Variants in TACC2 observed in about 807,000 individuals in gnomAD.
TACC2 encodes transforming acidic coiled-coil-containing protein 2.
Under a neutral mutation model 227.3 loss-of-function variants are expected in TACC2, and 137 were observed. The ratio of observed to expected loss-of-function variants is 0.60; its 90% confidence interval spans 0.52 to 0.69. The LOEUF (loss-of-function observed/expected upper bound fraction) is 0.69. TACC2 is among the 30% of genes least tolerant of loss of function. The probability of loss-of-function intolerance (pLI) is 0.00; values close to 1 mark genes in which losing one functional copy is unlikely to be tolerated. For synonymous variants in TACC2, 1,523 were observed against 1,487.5 expected (o/e 1.02, Z -0.55); for missense variants, 3,470 against 3,694.4 (o/e 0.94, Z 1.57).
chr10:122,098,156 G>A (rs975353097), intron 5 of TACC2, among the ~76,000 whole-genome samples: 4 of 152,144 alleles, frequency 2.6e-5, no homozygotes, highest in Non-Finnish European at 4.4e-5. Flanking sequence ...CTGTCTGCTC[G>A]CTATGTACCC....
intron 6 of TACC2, among the ~76,000 whole-genome samples, chr10:122,143,059 G>A (rs2090866333): frequency 6.6e-6 from 1 of 152,194 alleles, no homozygotes; most frequent in Admixed American, 6.5e-5. Flanking sequence ...TCCTCCCCCA[G>A]GACACGGGTG....
chr10:122,157,090 TG>T (rs1183889080), intron 7 of TACC2, among the ~76,000 whole-genome samples: 3 of 152,090 alleles, frequency 2.0e-5, no homozygotes, highest in Non-Finnish European at 4.4e-5. Flanking sequence ...CCAGCCTGGG[TG>T]ACAGAGTGAG....
chr10:122,109,015 G>C (rs757489087), intron 5 of TACC2, among the ~76,000 whole-genome samples: 66 of 152,362 alleles, frequency 4.3e-4, no homozygotes, highest in Non-Finnish European at 4.0e-4. Context: ...TTACAGGCAT[G>C]AGCCATGGCG....
intron 3 of TACC2, among the ~76,000 whole-genome samples, chr10:122,063,794 A>G (rs981924240): frequency 1.3e-5 from 2 of 150,490 alleles, no homozygotes; most frequent in African/African-American, 4.9e-5. Context: ...TTATAAAAAC[A>G]TATTCAAATT....
At position 122,085,986 on chromosome 10, in the gene TACC2, T is replaced by A. The variant is rs770572757; in HGVS notation, c.3486T>A (p.Thr1162=). ...EATLSCGLLQ[T]EHCLTSGEEA... ...CTTTGAGTTGTGGCCTCCTTCAGAC[T>A]GAGCACTGCCTTACCTCCGGGGAGG... Residue 1162 remains threonine (T), a synonymous_variant, in exon 4 of 23, where the codon ACT becomes ACA. Transcript: ENST00000369005. 4.3e-6 allele frequency: 7 copies of A among 1,614,022 alleles called. No homozygotes were observed. The highest frequency in any genetic ancestry group is 3.3e-5 in the Admixed American group (2 of 60,022).
At chr10:122,019,724 G>C (rs1369496906) in intron 1 of TACC2, 1 of 152,304 alleles carries the variant, frequency 6.6e-6, no homozygotes, top group Non-Finnish European at 1.5e-5. Flanking sequence ...AAGTGCAGCT[G>C]GCTTGCACCA....
At chr10:122,174,651 C>G (rs908215314) in intron 7 of TACC2, among the ~76,000 whole-genome samples, 1 of 152,038 alleles carries the variant, frequency 6.6e-6, no homozygotes, top group African/African-American at 2.4e-5. Context: ...CTAAATCAAG[C>G]TAATTAATGT....
At position 122,087,175 on chromosome 10, in the gene TACC2, G is replaced by A. The variant is rs1231212957; in HGVS notation, c.4675G>A (p.Gly1559Ser). The change falls in exon 4 of 23, where the codon GGT (glycine) becomes AGT (serine). Residue 1559 changes from glycine to serine, a missense_variant. By Grantham distance (56) the Gly-to-Ser change is moderately conservative. Coordinates refer to ENST00000369005, the MANE Select transcript of TACC2 (RefSeq NM_206862.4). ...LERSRQELASGLPSPAATQEL... is the reference protein window; with the variant it reads ...LERSRQELASSLPSPAATQEL... ...GAGGAGCAGGCAGGAATTAGCTTCA[G>A]GTCTTCCTTCACCAGCAGCTACTCA... 2 of 1,611,574 alleles carry A rather than the reference G, an allele frequency of 1.2e-6. No individual in the cohort carries two copies. The highest frequency in any genetic ancestry group is 4.5e-5 in the East Asian group (2 of 44,862).
chr10:122,189,612 C>T (rs1238080912), intron 7 of TACC2, among the ~76,000 whole-genome samples: 2 of 152,224 alleles, frequency 1.3e-5, no homozygotes, highest in African/African-American at 2.4e-5. Context: ...TCCCAGATCA[C>T]TTTCATGTTG....
At position 122,008,637 on chromosome 10, in the gene TACC2, G is replaced by T. The variant is rs187660516; in HGVS notation, c.-45-13300G>T. On this transcript the variant is annotated intron_variant, in intron 1 of 22. Transcript: ENST00000369005. ...ACCCAGGCTGGAGTGCAGTGGCACA[G>T]TCTCTACTTACTGCAGCCTCTGCCT... Among the ~76,000 whole-genome samples, 487 of 151,096 alleles carry T rather than the reference G, an allele frequency of 3.2e-3. 4 individuals carry two copies. The highest frequency in any genetic ancestry group is 2.7e-3 in the Non-Finnish European group (182 of 67,850).
In TACC2 at chr10:122,211,008, C is replaced by T. The variant is rs371355623; in HGVS notation, c.6583C>T (p.Pro2195Ser). Residue 2195 changes from proline to serine, a missense_variant, in exon 9 of 23, where the codon CCC becomes TCC. Physicochemically the swap from Pro to Ser is moderately conservative, Grantham distance 74. This residue lies in a region of TACC2 where 593 missense variants were observed against 636.6 expected (regional missense o/e 0.93). Coordinates refer to ENST00000369005, the MANE Select transcript of TACC2 (RefSeq NM_206862.4). ...PALLEETPLEPAVGPKAACPL... is the reference protein window; with the variant it reads ...PALLEETPLESAVGPKAACPL... ...CTTATTGGAGGAGACGCCCCTTGAG[C>T]CCGCTGTGGGGCCCAAAGCTGCCTG... 66 of 1,612,104 alleles carry T rather than the reference C, an allele frequency of 4.1e-5. No individual in the cohort carries two copies. The highest frequency in any genetic ancestry group is 3.7e-4 in the African/African-American group (28 of 74,764).
intron 5 of TACC2, among the ~76,000 whole-genome samples, chr10:122,094,660 C>T (rs2081188792): frequency 6.6e-6 from 1 of 152,210 alleles, no homozygotes; most frequent in Non-Finnish European, 1.5e-5. Flanking sequence ...GGGCTGGATT[C>T]ACTGTCTTCA....
At chr10:122,139,445 CCTT>C (rs2090205807) in intron 6 of TACC2, among the ~76,000 whole-genome samples, 1 of 152,312 alleles carries the variant, frequency 6.6e-6, no homozygotes, top group Admixed American at 6.5e-5. Flanking sequence ...CCTCTCAGCA[CCTT>C]CTGATTTTGG....
intron 11 of TACC2, among the ~76,000 whole-genome samples, chr10:122,218,101 C>G (rs562551200): frequency 1.3e-5 from 2 of 152,116 alleles, no homozygotes; most frequent in Non-Finnish European, 2.9e-5. Context: ...CGCACCACCA[C>G]GCCCAGCTAA....
rs1284516117 is a variant in TACC2, at chr10:122,141,735, A to G, written c.5700-1837A>G. Among the ~76,000 whole-genome samples, 1 of 152,122 alleles carries G rather than the reference A, an allele frequency of 6.6e-6. No homozygotes were observed. The highest frequency in any genetic ancestry group is 1.9e-4 in the East Asian group (1 of 5,178). ...CAGAGATCCTTCCTTGCAGTTTGAT[A>G]AACAGTACCCTTAAATCACAGAACC... On this transcript the variant is annotated intron_variant, in intron 6 of 22. Transcript: ENST00000369005. This position sits in a 1 kb window ranked among gnomAD's most constrained non-coding sequence, Gnocchi z 4.3.
intron 8 of TACC2, among the ~76,000 whole-genome samples, chr10:122,197,993 A>G (rs2094633441): frequency 6.6e-6 from 1 of 152,220 alleles, no homozygotes; most frequent in South Asian, 2.1e-4. Flanking sequence ...GGGAAAATCT[A>G]TTGTTTACTT....
intron 3 of TACC2, among the ~76,000 whole-genome samples, chr10:122,054,231 T>C (rs1011292152): frequency 2.0e-5 from 3 of 152,222 alleles, no homozygotes; most frequent in Non-Finnish European, 2.9e-5. Flanking sequence ...GTGGCGCTGT[T>C]GTAACTTAGC....
intron 7 of TACC2, among the ~76,000 whole-genome samples, chr10:122,164,707 A>G (rs2093045666): frequency 6.6e-6 from 1 of 152,144 alleles, no homozygotes; most frequent in African/African-American, 2.4e-5. Flanking sequence ...TGTTTGGACG[A>G]TGGGGCGTAT....
intron 11 of TACC2, among the ~76,000 whole-genome samples, chr10:122,218,232 C>A (rs574628600): frequency 6.6e-6 from 1 of 152,160 alleles, no homozygotes; most frequent in Admixed American, 6.5e-5. Context: ...TGTGAGCCAC[C>A]GCGCCTGACC....
Sources: allele counts gnomAD v4.1 joint callset (sites outside exome capture counted in the v4.1 genomes callset), GRCh38; gene constraint gnomAD v4.1.1; regional missense constraint gnomAD v4.1.1; non-coding constraint Gnocchi (gnomAD v3.1); transcripts MANE v1.5; gene names NCBI Gene and HGNC (gene_info 2026-07-23, HGNC 2026-07-21).